The following RAB32 variants were observed in gnomAD, a reference collection of about 807,000 sequenced individuals.
RAB32 encodes the protein RAB32, member RAS oncogene family.
RAB32 carries 17 observed loss-of-function variants against 17.5 expected under a neutral mutation model. That is an observed-to-expected ratio of 0.97 (90% CI 0.67 to 1.46). RAB32 has a LOEUF of 1.46. Ranked by LOEUF, RAB32 falls within the 40% of genes most tolerant of loss-of-function variation. RAB32 has a pLI of 0.00. For synonymous variants in RAB32, 115 were observed against 111.1 expected (o/e 1.04, Z -0.22); for missense variants, 288 against 284.3 (o/e 1.01, Z -0.09).
At position 146,544,060 on chromosome 6, in the gene RAB32, C is replaced by T. The variant is rs763042184; in HGVS notation, c.189C>T (p.Ala63=). 8 of 1,613,912 alleles carry T rather than the reference C, an allele frequency of 5.0e-6. No individual in the cohort carries two copies. The South Asian group carries it at 7.7e-5, about 16-fold the overall frequency. The change falls in exon 1 of 3, where the codon GCC becomes GCT. Residue 63 remains alanine (A), a synonymous_variant. Coordinates refer to ENST00000367495, the MANE Select transcript of RAB32 (RefSeq NM_006834.5). ...GGGCCACCATCGGGGTGGACTTCGC[C>T]CTCAAGGTCCTCAACTGGGACAGCA... The part of the protein sequence containing the change: ...HYRATIGVDF[A]LKVLNWDSRT...
At chr6:146,546,173 A>G (rs1779816470) in intron 1 of RAB32, among the ~76,000 whole-genome samples, 1 of 152,122 alleles carries the variant, frequency 6.6e-6, no homozygotes, top group Admixed American at 6.5e-5. Context: ...ATATCCTTGT[A>G]CTTTTCACTA....
At chr6:146,545,554 T>G (rs1779809787) in intron 1 of RAB32, among the ~76,000 whole-genome samples, 1 of 152,202 alleles carries the variant, frequency 6.6e-6, no homozygotes, top group Non-Finnish European at 1.5e-5. Context: ...AATTGTAACC[T>G]ATAACTCATT....
chr6:146,543,961 G>T lies in RAB32; in HGVS notation c.90G>T (p.Val30=). 6.2e-7 allele frequency: 1 copy of T among 1,613,364 alleles called. No individual in the cohort carries two copies. The highest frequency in any genetic ancestry group is 8.5e-7 in the Non-Finnish European group (1 of 1,179,806). The change falls in exon 1 of 3, where the codon GTG becomes GTT. Residue 30 remains valine, a synonymous_variant. Coordinates refer to ENST00000367495, the MANE Select transcript of RAB32 (RefSeq NM_006834.5). Reference sequence around the variant, plus strand: ...GCGAGCACCTCTTCAAGGTGCTGGTGATCGGCGAGCTTGGCGTGGGCAAGA... The same window carrying T: ...GCGAGCACCTCTTCAAGGTGCTGGTTATCGGCGAGCTTGGCGTGGGCAAGA... ...ETREHLFKVL[V]IGELGVGKTS...
At chr6:146,544,514 T>G (rs1046090552) in intron 1 of RAB32, among the ~76,000 whole-genome samples, 4 of 152,118 alleles carry the variant, frequency 2.6e-5, no homozygotes, top group African/African-American at 9.7e-5. Flanking sequence ...ATTGGGTGAC[T>G]TAACCCGAAG....
In RAB32 at chr6:146,554,441, A is replaced by G; in HGVS notation, c.529-15A>G. The stretch of plus-strand genomic sequence containing the variant: ...ATCCTAAAAATTAATCCCGTTCTTC[A>G]TTTCTGCATTACAGGATAACATAAA... On this transcript the variant is annotated splice_polypyrimidine_tract_variant and intron_variant, in intron 2 of 2. Transcript: ENST00000367495. 6.3e-7 allele frequency: 1 copy of G among 1,590,224 alleles called. No individual in the cohort carries two copies. Among genetic ancestry groups the G allele is most frequent in the South Asian group, 1.2e-5 (1 of 86,812 alleles).
intron 2 of RAB32, among the ~76,000 whole-genome samples, chr6:146,551,502 G>C (rs1262562181): frequency 6.6e-6 from 1 of 152,004 alleles, no homozygotes; most frequent in African/African-American, 2.4e-5. Context: ...TAGGATTACA[G>C]GCGTGTTCTT....
At chr6:146,550,485 T>A (rs6570767) in intron 2 of RAB32, among the ~76,000 whole-genome samples, 17 of 151,358 alleles carry the variant, frequency 1.1e-4, no homozygotes, top group Non-Finnish European at 2.9e-5. Flanking sequence ...GGCGAAACCC[T>A]GTCTCTGCCA....
At chr6:146,546,471 A>C (rs1182506805) in intron 1 of RAB32, among the ~76,000 whole-genome samples, 1 of 152,156 alleles carries the variant, frequency 6.6e-6, no homozygotes, top group Non-Finnish European at 1.5e-5. Context: ...AGACCAAAAA[A>C]AGCAAAACAA....
chr6:146,548,834 G>C lies in RAB32; in HGVS notation c.251-630G>C, dbSNP rs531688879. Among the ~76,000 whole-genome samples, 21 of 152,316 alleles carry C rather than the reference G, an allele frequency of 1.4e-4. No homozygotes were observed. The South Asian group carries it at 2.9e-3, about 21-fold the overall frequency. ...ACATAAATTATTTTAAAAGTACAAT[G>C]ACATTTGAAGAACCCTGGAATTGAT... On this transcript the variant is annotated intron_variant, in intron 1 of 2. Coordinates refer to ENST00000367495, the MANE Select transcript of RAB32 (RefSeq NM_006834.5).
chr6:146,545,332 C>T (rs1779808015), intron 1 of RAB32, among the ~76,000 whole-genome samples: 1 of 151,668 alleles, frequency 6.6e-6, no homozygotes, highest in Non-Finnish European at 1.5e-5. Flanking sequence ...TTAAGAAGCA[C>T]AGTCTGCAGT....
intron 2 of RAB32, among the ~76,000 whole-genome samples, chr6:146,551,782 A>G (rs552475330): frequency 6.6e-6 from 1 of 152,144 alleles, no homozygotes; most frequent in Non-Finnish European, 1.5e-5. Flanking sequence ...CATCGGTTTC[A>G]CTTTATGTAT....
chr6:146,554,137 T>C (rs1779929488), intron 2 of RAB32, among the ~76,000 whole-genome samples: 1 of 152,196 alleles, frequency 6.6e-6, no homozygotes, highest in Non-Finnish European at 1.5e-5. Flanking sequence ...TTATTTGGAA[T>C]GTCTTCATTA....
chr6:146,552,369 AAAAT>A (rs1335724931), intron 2 of RAB32, among the ~76,000 whole-genome samples: 1 of 152,182 alleles, frequency 6.6e-6, no homozygotes, highest in Non-Finnish European at 1.5e-5. Flanking sequence ...GTGGAGGTAA[AAAAT>A]AAATAAAAAG....
intron 1 of RAB32, among the ~76,000 whole-genome samples, chr6:146,544,748 A>G (rs1285145371): frequency 7.1e-6 from 1 of 141,570 alleles, no homozygotes; most frequent in African/African-American, 2.6e-5. Flanking sequence ...ACCAACACCT[A>G]GTCCCATCCC....
intron 1 of RAB32, among the ~76,000 whole-genome samples, chr6:146,544,799 T>A (rs1779801009): frequency 5.6e-5 from 1 of 17,854 alleles, no homozygotes; most frequent in Admixed American, 6.6e-4. Context: ...CACTCCTCAA[T>A]ACAGTGTTTC....
intron 1 of RAB32, among the ~76,000 whole-genome samples, chr6:146,548,691 C>T (rs1779854965): frequency 6.6e-6 from 1 of 152,156 alleles, no homozygotes; most frequent in African/African-American, 2.4e-5. Flanking sequence ...GTTGTTACAT[C>T]TGTCAGATGA....
chr6:146,547,427 T>C (rs898424530), intron 1 of RAB32, among the ~76,000 whole-genome samples: 1 of 152,068 alleles, frequency 6.6e-6, no homozygotes, highest in African/African-American at 2.4e-5. Flanking sequence ...GTAACTCTCC[T>C]TTGGGCCAAA....
At chr6:146,545,431 G>C (rs1158824262) in intron 1 of RAB32, among the ~76,000 whole-genome samples, 1 of 152,192 alleles carries the variant, frequency 6.6e-6, no homozygotes, top group Non-Finnish European at 1.5e-5. Flanking sequence ...CCCATGGAGG[G>C]TATAGCTACC....
chr6:146,548,734 A>G (rs1004819198), intron 1 of RAB32, among the ~76,000 whole-genome samples: 7 of 152,234 alleles, frequency 4.6e-5, no homozygotes, highest in Non-Finnish European at 1.0e-4. Flanking sequence ...AAAGATTAGT[A>G]CAATAGCAGA....
Sources: allele counts gnomAD v4.1 joint callset (sites outside exome capture counted in the v4.1 genomes callset), GRCh38; gene constraint gnomAD v4.1.1; transcripts MANE v1.5; gene names NCBI Gene and HGNC (gene_info 2026-07-23, HGNC 2026-07-21).